Variants in ERBB4 observed in about 807,000 individuals in gnomAD.
ERBB4 encodes the protein receptor tyrosine-protein kinase erbB-4.
Under a neutral mutation model 158.0 loss-of-function variants are expected in ERBB4, and 42 were observed. The observed-to-expected ratio is 0.27, with a 90% CI of 0.21 to 0.34. The LOEUF (loss-of-function observed/expected upper bound fraction) is 0.34, where lower values mean the gene tolerates loss of function less well. Among genes scored for constraint, ERBB4 ranks in the 10% least tolerant of loss-of-function variants. The pLI is 1.00. For synonymous variants in ERBB4, 583 were observed against 558.7 expected (o/e 1.04, Z -0.61); for missense variants, 1,333 against 1,624.1 (o/e 0.82, Z 3.08).
At chr2:211,741,989 T>A (rs2074816627) in intron 5 of ERBB4, among the ~76,000 whole-genome samples, 1 of 152,194 alleles carries the variant, frequency 6.6e-6, no homozygotes, top group African/African-American at 2.4e-5. Flanking sequence ...TTACTTTAAT[T>A]TTACAATATC....
intron 12 of ERBB4, among the ~76,000 whole-genome samples, chr2:211,688,243 C>A (rs2072649194): frequency 6.6e-6 from 1 of 152,198 alleles, no homozygotes; most frequent in African/African-American, 2.4e-5. Flanking sequence ...TTCCTCCTGT[C>A]TGAAGGACTT....
chr2:211,396,845 C>G (rs1216773230), intron 25 of ERBB4, among the ~76,000 whole-genome samples: 1 of 152,150 alleles, frequency 6.6e-6, no homozygotes, highest in Non-Finnish European at 1.5e-5. Flanking sequence ...GAATTTGTAA[C>G]AATGGTTTAT....
At position 211,749,748 on chromosome 2, in the gene ERBB4, T is replaced by C. The variant is rs115413991; in HGVS notation, c.622+891A>G. Among the ~76,000 whole-genome samples the C allele has an allele frequency of 7.6e-3, 1,162 of 152,290 alleles. 20 individuals carry two copies. Among genetic ancestry groups the C allele is most frequent in the Middle Eastern group, 0.042 (12 of 288 alleles). On this transcript the variant is annotated intron_variant, in intron 5 of 27. Transcript: ENST00000342788. The stretch of plus-strand genomic sequence containing the variant: ...TGAACTGAGACAAATTAGAAATCTG[T>C]AAAGTTTCATCTAAGAGTGTAATAT...
intron 2 of ERBB4, among the ~76,000 whole-genome samples, chr2:211,962,233 A>T (rs1231833841): frequency 1.3e-5 from 2 of 152,298 alleles, no homozygotes; most frequent in Admixed American, 6.5e-5. Context: ...AAGACATAAA[A>T]ATGTCCCTTG....
chr2:211,657,834 G>A lies in ERBB4; in HGVS notation c.1872-6C>T. ...GACTAGTGGGACCGTTACACCTGCAGGCAATTACAGAACAGAAAACATCAT... is the reference window on the plus strand; with the variant it reads ...GACTAGTGGGACCGTTACACCTGCAAGCAATTACAGAACAGAAAACATCAT... On this transcript the variant is annotated splice_region_variant and splice_polypyrimidine_tract_variant and intron_variant, in intron 15 of 27. Transcript: ENST00000342788. 1 of 1,613,388 alleles carries A rather than the reference G, an allele frequency of 6.2e-7. No homozygotes were observed. The highest frequency in any genetic ancestry group is 2.2e-5 in the East Asian group (1 of 44,858).
At chr2:211,714,247 A>G (rs966548861) in intron 7 of ERBB4, among the ~76,000 whole-genome samples, 1 of 152,254 alleles carries the variant, frequency 6.6e-6, no homozygotes, top group African/African-American at 2.4e-5. Context: ...CTAGCAGTCC[A>G]GTGACATGGG....
intron 1 of ERBB4, among the ~76,000 whole-genome samples, chr2:212,303,827 T>C (rs762825064): frequency 1.3e-5 from 2 of 151,498 alleles, no homozygotes; most frequent in Non-Finnish European, 3.0e-5. Context: ...GCTGATCTTA[T>C]AAATATTTAA....
chr2:211,642,946 A>G (rs2070651617), intron 16 of ERBB4, among the ~76,000 whole-genome samples: 1 of 152,142 alleles, frequency 6.6e-6, no homozygotes, highest in Non-Finnish European at 1.5e-5. Flanking sequence ...TGCTTATTCC[A>G]GCTTTCGTAG....
intron 3 of ERBB4, among the ~76,000 whole-genome samples, chr2:211,841,383 T>C (rs1319604452): frequency 6.6e-6 from 1 of 152,070 alleles, no homozygotes; most frequent in Non-Finnish European, 1.5e-5. Context: ...ATGATTCTAA[T>C]TATGGTTCTG....
chr2:211,494,013 A>G (rs1372144345), intron 20 of ERBB4, among the ~76,000 whole-genome samples: 1 of 152,082 alleles, frequency 6.6e-6, no homozygotes, highest in East Asian at 1.9e-4. Context: ...ATTTTGGGCT[A>G]CCCAGCCTTA....
chr2:211,513,731 C>A lies in ERBB4; in HGVS notation c.2487+48172G>T, dbSNP rs35159481. Among the ~76,000 whole-genome samples the A allele has an allele frequency of 8.7e-4, 132 of 151,980 alleles. 2 individuals carry two copies. Among genetic ancestry groups the A allele is most frequent in the Non-Finnish European group, 1.5e-3 (103 of 67,980 alleles). ...GGCAGGCGCCCCCAACCCCTGTCTACGCTTTGTTAACCCCTAACAGGAAGA... is the reference window on the plus strand; with the variant it reads ...GGCAGGCGCCCCCAACCCCTGTCTAAGCTTTGTTAACCCCTAACAGGAAGA... On this transcript the variant is annotated intron_variant, in intron 20 of 27. Transcript: ENST00000342788.
chr2:212,138,667 A>G (rs1575688797), intron 1 of ERBB4, among the ~76,000 whole-genome samples: 1 of 143,864 alleles, frequency 7.0e-6, no homozygotes. Context: ...GGATACCTTA[A>G]CAAATGTTTT....
intron 1 of ERBB4, among the ~76,000 whole-genome samples, chr2:212,183,383 A>C (rs771291594): frequency 4.6e-5 from 7 of 152,026 alleles, no homozygotes; most frequent in Non-Finnish European, 8.8e-5. Context: ...TTGCTATATA[A>C]ATTTAACTAG....
intron 2 of ERBB4, 108 bp downstream of exon 2, chr2:212,124,644 T>G (rs2079863751): frequency 7.9e-7 from 1 of 1,267,692 alleles, no homozygotes; most frequent in African/African-American, 1.5e-5. Flanking sequence ...TCACAGTGCC[T>G]GCCAGGCAGA....
chr2:211,496,798 T>A (rs749364407), intron 20 of ERBB4, among the ~76,000 whole-genome samples: 3 of 152,170 alleles, frequency 2.0e-5, no homozygotes, highest in Admixed American at 1.3e-4. Flanking sequence ...TACTTGTTTC[T>A]TTTGCCTGGG....
intron 3 of ERBB4, among the ~76,000 whole-genome samples, chr2:211,936,835 T>A (rs552761812): frequency 2.6e-4 from 39 of 152,304 alleles, no homozygotes; most frequent in African/African-American, 8.9e-4. Flanking sequence ...TAGTAACATT[T>A]ATTATGCCAA....
rs111396710 is a variant in ERBB4 at position 211,707,858 on chromosome 2, T to C, written c.1125-2467A>G. On this transcript the variant is annotated intron_variant, in intron 9 of 27. Transcript: ENST00000342788. ...AATTGATGAATTGCCAGTAAATATA[T>C]TTTGTGGAGAAACTTGTTTTTAAAA... 1.1e-3 allele frequency among the ~76,000 whole-genome samples: 167 copies of C among 152,242 alleles called. 1 individual carries two copies. Among genetic ancestry groups the C allele is most frequent in the African/African-American group, 3.8e-3 (158 of 41,552 alleles).
intron 1 of ERBB4, among the ~76,000 whole-genome samples, chr2:212,400,615 T>C (rs758005162): frequency 2.6e-5 from 4 of 152,196 alleles, no homozygotes; most frequent in Non-Finnish European, 5.9e-5. Context: ...TAGATTTTTC[T>C]TATTATGTAT....
At chr2:211,743,635 T>C (rs191667928) in intron 5 of ERBB4, among the ~76,000 whole-genome samples, 3 of 152,298 alleles carry the variant, frequency 2.0e-5, no homozygotes, top group Non-Finnish European at 2.9e-5. Flanking sequence ...TCAGTTCTTA[T>C]GAATAGAGAG....
Sources: gnomAD v4.1 joint callset for allele counts (sites outside exome capture counted in the v4.1 genomes callset) on GRCh38, gnomAD v4.1.1 for gene constraint, MANE v1.5 for transcripts, NCBI Gene and HGNC (gene_info 2026-07-23, HGNC 2026-07-21) for gene names.